The following MAGI2 variants were observed in gnomAD, a reference collection of about 807,000 sequenced individuals.
MAGI2 encodes the protein membrane associated guanylate kinase, WW and PDZ domain containing 2.
In MAGI2, 35 loss-of-function variants were observed where a neutral mutation model predicts 133.3. That is an observed-to-expected ratio of 0.26 (90% CI 0.20 to 0.35). The LOEUF is 0.35. Among genes scored for constraint, MAGI2 ranks in the 10% least tolerant of loss-of-function variants. The pLI is 1.00. For missense variants in MAGI2, 1,636 were observed against 1,863.4 expected, an observed-to-expected ratio of 0.88 and a Z score of 2.25; for synonymous variants, 729 against 710.6, an observed-to-expected ratio of 1.03 and a Z score of -0.41.
intron 1 of MAGI2, among the ~76,000 whole-genome samples, chr7:79,431,287 A>T (rs2129186953): frequency 6.6e-6 from 1 of 152,348 alleles, no homozygotes; most frequent in East Asian, 1.9e-4. Flanking sequence ...AGTGTAAACA[A>T]ATAGCAGATT....
chr7:78,852,247 G>A (rs1793206103), intron 2 of MAGI2, among the ~76,000 whole-genome samples: 2 of 151,842 alleles, frequency 1.3e-5, no homozygotes, highest in African/African-American at 4.8e-5. Flanking sequence ...TATTCCAACA[G>A]AATTGTTTGC....
At chr7:78,322,142 A>C (rs1226438032) in intron 9 of MAGI2, among the ~76,000 whole-genome samples, 1 of 152,200 alleles carries the variant, frequency 6.6e-6, no homozygotes, top group Admixed American at 6.5e-5. Context: ...GAGAAATAGG[A>C]ACACTTTTAC....
chr7:78,557,796 C>T (rs989056980), intron 3 of MAGI2, among the ~76,000 whole-genome samples: 22 of 152,054 alleles, frequency 1.4e-4, no homozygotes, highest in East Asian at 3.9e-4. Context: ...CATTTCAGAG[C>T]GGATTTCAGT....
intron 1 of MAGI2, among the ~76,000 whole-genome samples, chr7:79,069,494 T>C (rs958088303): frequency 1.3e-5 from 2 of 151,590 alleles, no homozygotes; most frequent in African/African-American, 4.9e-5. Context: ...TTTGTGTCTT[T>C]GCATGTGAAA....
At chr7:78,371,248 A>C (rs1427906417) in intron 6 of MAGI2, among the ~76,000 whole-genome samples, 2 of 152,002 alleles carry the variant, frequency 1.3e-5, no homozygotes, top group Non-Finnish European at 2.9e-5. Flanking sequence ...TTTTATAAAC[A>C]GCTCATTCAA....
At chr7:78,318,050 C>A (rs1321559293) in intron 9 of MAGI2, among the ~76,000 whole-genome samples, 9 of 152,078 alleles carry the variant, frequency 5.9e-5, no homozygotes, top group Non-Finnish European at 1.3e-4. Flanking sequence ...TTCCAAAAAC[C>A]AGAATGCCTC....
intron 3 of MAGI2, among the ~76,000 whole-genome samples, chr7:78,625,491 TAA>T (rs917627837): frequency 4.6e-5 from 7 of 152,042 alleles, no homozygotes; most frequent in African/African-American, 1.7e-4. Flanking sequence ...GTTTATAAAG[TAA>T]AAAGTTACAT....
intron 1 of MAGI2, among the ~76,000 whole-genome samples, chr7:79,070,339 C>T (rs1396468856): frequency 8.6e-5 from 13 of 151,606 alleles, no homozygotes; most frequent in Non-Finnish European, 1.9e-4. Flanking sequence ...TGTCTTCTCA[C>T]TTTATTTCAT....
intron 2 of MAGI2, among the ~76,000 whole-genome samples, chr7:78,733,084 A>T (rs1298575404): frequency 1.3e-5 from 2 of 152,172 alleles, no homozygotes; most frequent in African/African-American, 4.8e-5. Context: ...TAAATTCTCA[A>T]AATAGAAGAT....
intron 1 of MAGI2, among the ~76,000 whole-genome samples, chr7:79,224,741 A>G (rs752936392): frequency 6.6e-6 from 1 of 150,884 alleles, no homozygotes; most frequent in Admixed American, 6.6e-5. Flanking sequence ...TGTACATCCC[A>G]TTTATGTGAT....
chr7:78,910,063 T>A (rs916772969), intron 2 of MAGI2, among the ~76,000 whole-genome samples: 1 of 151,988 alleles, frequency 6.6e-6, no homozygotes, highest in African/African-American at 2.4e-5. Context: ...CATGTTCTCA[T>A]TCATAAGTGG....
At chr7:78,561,426 A>G (rs971810174) in intron 3 of MAGI2, among the ~76,000 whole-genome samples, 1 of 152,248 alleles carries the variant, frequency 6.6e-6, no homozygotes, top group African/African-American at 2.4e-5. Flanking sequence ...TTTAGCCTCC[A>G]AAGTTTTCAG....
At chr7:79,048,392 T>C (rs1293308921) in intron 1 of MAGI2, among the ~76,000 whole-genome samples, 1 of 152,200 alleles carries the variant, frequency 6.6e-6, no homozygotes, top group Non-Finnish European at 1.5e-5. Flanking sequence ...GTTCTCCAAT[T>C]GAATGTTGTT....
intron 16 of MAGI2, among the ~76,000 whole-genome samples, chr7:78,149,459 G>C (rs1823649979): frequency 6.6e-6 from 1 of 152,172 alleles, no homozygotes; most frequent in Admixed American, 6.6e-5. Flanking sequence ...TTAAAGCTAA[G>C]AGTGACTTAG....
At chr7:78,822,653 A>G in intron 2 of MAGI2, among the ~76,000 whole-genome samples, 1 of 152,298 alleles carries the variant, frequency 6.6e-6, no homozygotes, top group South Asian at 2.1e-4. Flanking sequence ...AAATACAATG[A>G]CAATATAAGG....
At chr7:78,200,819 T>C (rs1023852926) in intron 11 of MAGI2, among the ~76,000 whole-genome samples, 8 of 152,200 alleles carry the variant, frequency 5.3e-5, no homozygotes, top group African/African-American at 1.9e-4. Flanking sequence ...GTTTGTATTG[T>C]TCCTAAAAAT....
intron 1 of MAGI2, among the ~76,000 whole-genome samples, chr7:79,324,108 G>A (rs1026364953): frequency 2.6e-5 from 4 of 152,002 alleles, no homozygotes; most frequent in Non-Finnish European, 4.4e-5. Context: ...TTAAAAAGGA[G>A]ATAATAGTAC....
intron 2 of MAGI2, among the ~76,000 whole-genome samples, chr7:78,802,338 A>C (rs892425214): frequency 1.3e-5 from 2 of 152,166 alleles, no homozygotes; most frequent in Non-Finnish European, 2.9e-5. Context: ...TGAGGGCAAG[A>C]GCCATGCCAT....
At chr7:78,356,780 A>T (rs1792127547) in intron 7 of MAGI2, among the ~76,000 whole-genome samples, 1 of 152,182 alleles carries the variant, frequency 6.6e-6, no homozygotes, top group African/African-American at 2.4e-5. Context: ...AACCTTGGAC[A>T]CCAACAAAGG....
Sources: gnomAD v4.1 joint callset for allele counts (sites outside exome capture counted in the v4.1 genomes callset) on GRCh38, gnomAD v4.1.1 for gene constraint, MANE v1.5 for transcripts, NCBI Gene and HGNC (gene_info 2026-07-23, HGNC 2026-07-21) for gene names.